ASXL3: variants seen among roughly 807,000 people sequenced by gnomAD.
The protein encoded by ASXL3 is ASXL transcriptional regulator 3.
Under a neutral mutation model 170.6 loss-of-function variants are expected in ASXL3, and 34 were observed. The ratio of observed to expected loss-of-function variants is 0.20; its 90% confidence interval spans 0.15 to 0.27. The LOEUF (loss-of-function observed/expected upper bound fraction) is 0.27. Ranked by LOEUF, ASXL3 falls within the 10% of genes least tolerant of loss-of-function variation. The probability of loss-of-function intolerance (pLI) is 1.00; values close to 1 mark genes in which losing one functional copy is unlikely to be tolerated. For missense variants in ASXL3, 2,592 were observed against 2,695.3 expected, an observed-to-expected ratio of 0.96 and a Z score of 0.85; for synonymous variants, 1,002 against 989.1, an observed-to-expected ratio of 1.01 and a Z score of -0.24.
At chr18:33,718,937 A>C (rs561889058) in intron 8 of ASXL3, among the ~76,000 whole-genome samples, 69 of 152,032 alleles carry the variant, frequency 4.5e-4, no homozygotes, top group African/African-American at 1.6e-3. Flanking sequence ...CCAAATAATA[A>C]ATATTATATC....
At chr18:33,650,455 G>A (rs1370834586) in intron 4 of ASXL3, among the ~76,000 whole-genome samples, 1 of 152,042 alleles carries the variant, frequency 6.6e-6, no homozygotes, top group Non-Finnish European at 1.5e-5. Flanking sequence ...TGTCCTAGCT[G>A]GGAAGACAGC....
chr18:33,663,819 T>C (rs1288390628), intron 5 of ASXL3, among the ~76,000 whole-genome samples: 3 of 152,154 alleles, frequency 2.0e-5, no homozygotes, highest in African/African-American at 4.8e-5. Context: ...TTGCAAAAAT[T>C]GACTGAACAT....
chr18:33,682,660 C>T (rs2066532642), intron 7 of ASXL3, among the ~76,000 whole-genome samples: 1 of 152,158 alleles, frequency 6.6e-6, no homozygotes, highest in Middle Eastern at 3.2e-3. Flanking sequence ...GATCGTCCCA[C>T]CTCAGACTCT....
At chr18:33,600,040 C>T (rs1599381227) in intron 1 of ASXL3, among the ~76,000 whole-genome samples, 1 of 152,014 alleles carries the variant, frequency 6.6e-6, no homozygotes, top group Non-Finnish European at 1.5e-5. Context: ...ATTTTTAGCT[C>T]ATTTATTTTA....
rs763591866 is a variant in ASXL3, at chr18:33,739,220, G to T, written c.1816G>T (p.Ala606Ser). 6.2e-7 allele frequency: 1 copy of T among 1,613,826 alleles called. No homozygotes were observed. Among genetic ancestry groups the T allele is most frequent in the Admixed American group, 1.7e-5 (1 of 59,990 alleles). The change falls in exon 11 of 12, where the codon GCC becomes TCC. Residue 606 changes from alanine (A) to serine (S), a missense_variant. By Grantham distance (99) the Ala-to-Ser change is moderately conservative (BLOSUM62 1). This residue lies in a region of ASXL3 where 2,246 missense variants were observed against 2,219.6 expected (regional missense o/e 1.01). Coordinates refer to ENST00000269197, the MANE Select transcript of ASXL3 (RefSeq NM_030632.3). Reference sequence around the variant, plus strand: ...CCCTGAAGAACAGCTTTCAGAAAATGCCTGCATCTCTGAAACGTCCTTTTC... The same window carrying T: ...CCCTGAAGAACAGCTTTCAGAAAATTCCTGCATCTCTGAAACGTCCTTTTC... ...SDPEEQLSENACISETSFSSE... is the reference protein window; with the variant it reads ...SDPEEQLSENSCISETSFSSE...
At chr18:33,684,837 AT>A (rs1479996411) in intron 8 of ASXL3, among the ~76,000 whole-genome samples, 1 of 152,164 alleles carries the variant, frequency 6.6e-6, no homozygotes, top group Admixed American at 6.5e-5. Context: ...TCAGAGTCAA[AT>A]TTAAAATTCT....
intron 1 of ASXL3, among the ~76,000 whole-genome samples, chr18:33,593,534 C>T (rs781093683): frequency 6.6e-5 from 10 of 152,012 alleles, no homozygotes; most frequent in Non-Finnish European, 1.5e-4. Flanking sequence ...CTTGAAAGCC[C>T]GCAGACTTTC....
chr18:33,683,140 C>T (rs557997482), intron 7 of ASXL3, among the ~76,000 whole-genome samples: 1 of 152,128 alleles, frequency 6.6e-6, no homozygotes, highest in African/African-American at 2.4e-5. Context: ...TTTATTGGAA[C>T]CTGGTGCTAC....
chr18:33,675,683 T>C (rs991537267), intron 7 of ASXL3, among the ~76,000 whole-genome samples: 4 of 152,216 alleles, frequency 2.6e-5, no homozygotes, highest in Admixed American at 6.5e-5. Context: ...TTGCAAGATA[T>C]TCACCCTGTG....
rs1340468261 is a variant in ASXL3, at chr18:33,743,495, T to C, written c.3647T>C (p.Ile1216Thr). The C allele has an allele frequency of 1.2e-6, 2 of 1,613,568 alleles. No individual in the cohort carries two copies. The highest frequency in any genetic ancestry group is 1.7e-6 in the Non-Finnish European group (2 of 1,179,842). The change falls in exon 12 of 12, where the codon ATT becomes ACT. Residue 1216 changes from isoleucine (I) to threonine (T), a missense_variant. Ile to Thr is a moderately conservative substitution (Grantham distance 89). Transcript: ENST00000269197. ...NIPVSHLSEK[I>T]VSSTSSENSS... The stretch of plus-strand genomic sequence containing the variant: ...CCTGTGTCACATTTATCTGAGAAAA[T>C]TGTTTCATCTACCTCTTCTGAAAAT...
chr18:33,654,690 A>G (rs2066055454), intron 4 of ASXL3, among the ~76,000 whole-genome samples: 1 of 109,872 alleles, frequency 9.1e-6, no homozygotes, highest in South Asian at 3.3e-4. Flanking sequence ...TTATACCAGT[A>G]TAAAATAAAT....
intron 2 of ASXL3, chr18:33,641,957 G>A (rs1410179316): frequency 6.6e-6 from 1 of 152,132 alleles, no homozygotes; most frequent in African/African-American, 2.4e-5. Context: ...TGCATTAACT[G>A]TGAAGAAAAT....
chr18:33,681,214 T>C (rs2066509153), intron 7 of ASXL3, among the ~76,000 whole-genome samples: 1 of 152,082 alleles, frequency 6.6e-6, no homozygotes, highest in Non-Finnish European at 1.5e-5. Context: ...GATTCCTCCG[T>C]AGGTCATTAG....
chr18:33,716,953 T>C (rs1174275072), intron 8 of ASXL3, among the ~76,000 whole-genome samples: 2 of 152,064 alleles, frequency 1.3e-5, no homozygotes, highest in African/African-American at 4.8e-5. Flanking sequence ...ACATTTATAT[T>C]TACCTCTGTT....
rs547284763 is a variant in ASXL3 at position 33,606,678 on chromosome 18, C to G, written c.55-916C>G. Among the ~76,000 whole-genome samples, 13 of 152,046 alleles carry G rather than the reference C, an allele frequency of 8.6e-5. 1 individual carries two copies. In the South Asian group the frequency reaches 2.7e-3, roughly 32 times the overall value. On this transcript the variant is annotated intron_variant, in intron 1 of 11. Transcript: ENST00000269197. The stretch of plus-strand genomic sequence containing the variant: ...AAGAGGCCATGACTTGAGCATGAAG[C>G]TCTTGCATAGCATCTTTAATTAGGT...
intron 1 of ASXL3, among the ~76,000 whole-genome samples, chr18:33,595,895 A>G (rs1230891797): frequency 6.6e-6 from 1 of 152,206 alleles, no homozygotes; most frequent in Admixed American, 6.5e-5. Flanking sequence ...AAGGAATATG[A>G]CAGGGATATG....
At position 33,584,946 on chromosome 18, in the gene ASXL3, A is replaced by AT. The variant is rs1330584851; in HGVS notation, c.54+6267dup. 5.3e-5 allele frequency among the ~76,000 whole-genome samples: 8 copies of AT among 150,426 alleles called. 1 individual carries two copies. The highest frequency in any genetic ancestry group is 2.7e-4 in the Admixed American group (4 of 15,078). Reference sequence around the variant, plus strand: ...CTTTTTTTTTTCTATGTAACTTGTCATTTTTTAAAAAAACAATATGGGTGT... The same window carrying AT: ...CTTTTTTTTTTCTATGTAACTTGTCATTTTTTTAAAAAAACAATATGGGTGT... On this transcript the variant is annotated intron_variant, in intron 1 of 11. Coordinates refer to ENST00000269197, the MANE Select transcript of ASXL3 (RefSeq NM_030632.3).
chr18:33,653,160 CCA>C (rs2087579465), intron 4 of ASXL3, among the ~76,000 whole-genome samples: 1 of 151,988 alleles, frequency 6.6e-6, no homozygotes, highest in South Asian at 2.1e-4. Flanking sequence ...TGTGAATGCT[CCA>C]GTGTAGTTTT....
chr18:33,633,406 AT>A (rs1361237031), intron 2 of ASXL3, among the ~76,000 whole-genome samples: 9 of 152,344 alleles, frequency 5.9e-5, no homozygotes, highest in Non-Finnish European at 1.0e-4. Flanking sequence ...TCTTAAGAAC[AT>A]TACGTGGATA....
Sources: allele counts gnomAD v4.1 joint callset (sites outside exome capture counted in the v4.1 genomes callset), GRCh38; gene constraint gnomAD v4.1.1; regional missense constraint gnomAD v4.1.1; transcripts MANE v1.5; gene names NCBI Gene and HGNC (gene_info 2026-07-23, HGNC 2026-07-21).